The following CTTN variants were observed in gnomAD, a reference collection of about 807,000 sequenced individuals.
CTTN encodes src substrate cortactin.
CTTN carries 28 observed loss-of-function variants against 84.0 expected under a neutral mutation model. That is an observed-to-expected ratio of 0.33 (90% CI 0.25 to 0.46). The LOEUF (loss-of-function observed/expected upper bound fraction) is 0.46, where lower values mean the gene tolerates loss of function less well. CTTN is among the 20% of genes least tolerant of loss of function. The probability of loss-of-function intolerance (pLI) is 1.00; values close to 1 mark genes in which losing one functional copy is unlikely to be tolerated. For synonymous variants in CTTN, 301 were observed against 288.8 expected (o/e 1.04, Z -0.43); for missense variants, 641 against 723.8 (o/e 0.89, Z 1.31).
intron 11 of CTTN, chr11:70,422,696 CTGCCCCTCA>C (rs2058251893): frequency 6.9e-7 from 1 of 1,441,648 alleles, no homozygotes; most frequent in Non-Finnish European, 9.2e-7. Flanking sequence ...CCTGCCCCTC[CTGCCCCTCA>C]GGGAATGCTG....
In CTTN at chr11:70,407,354, C is replaced by T. The variant is rs375534755; in HGVS notation, c.57C>T (p.Ala19=). 7.0e-6 allele frequency: 11 copies of T among 1,573,848 alleles called. No homozygotes were observed. The highest frequency in any genetic ancestry group is 1.4e-5 in the African/African-American group (1 of 73,700). ...CCATCGCCCAGGATGACGCGGGGGC[C>T]GATGACTGGGAGACCGACCCTGATT... is the stretch of plus-strand genomic sequence containing the variant. The part of the protein sequence containing the change: ...AVSIAQDDAG[A]DDWETDPDFV... Residue 19 remains alanine (A), a synonymous_variant, in exon 3 of 18, where the codon GCC becomes GCT. Transcript: ENST00000301843.
rs560910644 is a variant in CTTN, at chr11:70,412,127, G to A, written c.291+2167G>A. ...CAGGTCAGCACCATGGGACAGATAC[G>A]TTGTCAAAAATAACTCAGGGCCAGG... On this transcript the variant is annotated intron_variant, in intron 5 of 17. Transcript: ENST00000301843. 1.1e-4 allele frequency among the ~76,000 whole-genome samples: 16 copies of A among 152,282 alleles called. No homozygotes were observed. In the East Asian group the frequency reaches 1.5e-3, roughly 15 times the overall value.
At chr11:70,405,824 G>A (rs1352468381) in intron 2 of CTTN, among the ~76,000 whole-genome samples, 1 of 152,158 alleles carries the variant, frequency 6.6e-6, no homozygotes, top group Non-Finnish European at 1.5e-5. Context: ...AGGTGGCCTC[G>A]CCAGCCCTGC....
chr11:70,429,908 C>T (rs1343182741), intron 14 of CTTN, among the ~76,000 whole-genome samples: 1 of 152,090 alleles, frequency 6.6e-6, no homozygotes, highest in Non-Finnish European at 1.5e-5. Flanking sequence ...GGGGCATCTG[C>T]AGTGTGGGGC....
Position 70,431,264 on chromosome 11 carries a change from C to T in CTTN, c.1250C>T (p.Ser417Leu), listed in dbSNP as rs2058351356. 9 of 1,614,156 alleles carry T rather than the reference C, an allele frequency of 5.6e-6. No homozygotes were observed. The highest frequency in any genetic ancestry group is 4.5e-5 in the East Asian group (2 of 44,870). Residue 417 changes from serine to leucine, a missense_variant, in exon 15 of 18, where the codon TCG (serine) becomes TTG (leucine). Ser to Leu is a moderately radical substitution (Grantham distance 145, BLOSUM62 -2). Transcript: ENST00000301843. ...CAGCCAACCGAGGAGAGGCTGCCCT[C>T]GAGCCCCGTCTATGAGGTTGGTGTC... Reference protein sequence around the residue: ...APQPTEERLPSSPVYEDAASF... With the variant: ...APQPTEERLPLSPVYEDAASF...
At chr11:70,424,547 C>G (rs1465807698) in intron 12 of CTTN, among the ~76,000 whole-genome samples, 1 of 152,026 alleles carries the variant, frequency 6.6e-6, no homozygotes, top group Non-Finnish European at 1.5e-5. Flanking sequence ...AAGTTGCCCC[C>G]TCAGGGCAAG....
intron 8 of CTTN, among the ~76,000 whole-genome samples, chr11:70,417,728 T>G (rs2058180996): frequency 6.6e-6 from 1 of 152,052 alleles, no homozygotes; most frequent in Non-Finnish European, 1.5e-5. Flanking sequence ...ATTCCTGACC[T>G]CAGGTGATCG....
At chr11:70,417,160 C>A in intron 8 of CTTN, 37 bp downstream of exon 8, 1 of 1,504,068 alleles carries the variant, frequency 6.6e-7, no homozygotes, top group Non-Finnish European at 9.3e-7. Flanking sequence ...CACGCGTTTG[C>A]TCCAGAAACA....
chr11:70,434,050 A>G (rs1332408650), intron 17 of CTTN, among the ~76,000 whole-genome samples: 1 of 152,160 alleles, frequency 6.6e-6, no homozygotes, highest in Non-Finnish European at 1.5e-5. Flanking sequence ...CCCACCCTCC[A>G]GGTGAGGGGG....
chr11:70,417,710 G>A (rs2058180797), intron 8 of CTTN, among the ~76,000 whole-genome samples: 1 of 152,112 alleles, frequency 6.6e-6, no homozygotes, highest in East Asian at 1.9e-4. Context: ...TGCCCAGGCT[G>A]GTCTTGAATT....
chr11:70,412,843 A>C (rs2058109813), intron 5 of CTTN, among the ~76,000 whole-genome samples: 1 of 152,218 alleles, frequency 6.6e-6, no homozygotes, highest in Non-Finnish European at 1.5e-5. Context: ...AATTTTGGAG[A>C]TGAATCCCTT....
intron 17 of CTTN, among the ~76,000 whole-genome samples, chr11:70,434,142 C>T (rs2058387972): frequency 2.0e-5 from 3 of 152,336 alleles, no homozygotes; most frequent in South Asian, 4.1e-4. Flanking sequence ...CTGCACGTTC[C>T]CCTGAGTTCC....
rs748549354 is a variant in CTTN at position 70,417,100 on chromosome 11, C to T, written c.545C>T (p.Thr182Met). The T allele has an allele frequency of 1.1e-5, 17 of 1,614,000 alleles. No individual in the cohort carries two copies. Among genetic ancestry groups the T allele is most frequent in the Admixed American group, 3.3e-5 (2 of 60,000 alleles). The change falls in exon 8 of 18, where the codon ACG (threonine) becomes ATG (methionine). Residue 182 changes from threonine (T) to methionine (M), a missense_variant. By Grantham distance (81) the Thr-to-Met change is moderately conservative. Around this residue, in one of 3 missense-constraint regions of CTTN, gnomAD observed 284 missense variants for 348.4 expected, o/e 0.82. Transcript: ENST00000301843. ...SAVGFDYQGK[T>M]EKHESQRDYS... ...GTGGGCTTCGACTACCAGGGCAAGA[C>T]GGAGAAGCACGAGTCACAGAGAGGT... is the stretch of plus-strand genomic sequence containing the variant.
At chr11:70,413,543 C>T (rs927076518) in intron 5 of CTTN, among the ~76,000 whole-genome samples, 35 of 152,176 alleles carry the variant, frequency 2.3e-4, no homozygotes, top group African/African-American at 8.4e-4. Context: ...ATGGCTGTGG[C>T]TGTGTCCCAG....
chr11:70,422,784 ACTTGC>A, intron 11 of CTTN, 151 bp from the exon 12 acceptor site: 1 of 1,485,718 alleles, frequency 6.7e-7, no homozygotes, highest in Middle Eastern at 2.2e-4. Flanking sequence ...TGGAAGCAAA[ACTTGC>A]CTTGCAAGTG....
At chr11:70,412,857 A>G (rs560779941) in intron 5 of CTTN, among the ~76,000 whole-genome samples, 14 of 152,236 alleles carry the variant, frequency 9.2e-5, no homozygotes, top group Non-Finnish European at 1.8e-4. Flanking sequence ...ATCCCTTTCA[A>G]TCAAAAAGCT....
Position 70,436,097 on chromosome 11 carries a change from G to T in CTTN, c.*935G>T. The T allele has an allele frequency of 2.8e-6, 4 of 1,425,212 alleles. No homozygotes were observed. Among genetic ancestry groups the T allele is most frequent in the Non-Finnish European group, 3.7e-6 (4 of 1,095,208 alleles). The allele number at this position is 1,425,212 out of a possible 1,614,324, so 88.3% of individuals were successfully genotyped here. A position where few individuals can be genotyped will look rare whatever the true frequency, so the allele number is the denominator to read the frequency against. Reference sequence around the variant, plus strand: ...GGCAGTGCCTGCTCTGCTGTGAGCCGCCAGGAACCCTCCTCCTGTCAATGG... The same window carrying T: ...GGCAGTGCCTGCTCTGCTGTGAGCCTCCAGGAACCCTCCTCCTGTCAATGG... On this transcript the variant is annotated 3_prime_UTR_variant, in exon 18 of 18. Transcript: ENST00000301843.
chr11:70,406,499 C>G (rs1269148937), intron 2 of CTTN, among the ~76,000 whole-genome samples: 1 of 149,156 alleles, frequency 6.7e-6, no homozygotes, highest in Non-Finnish European at 1.5e-5. Flanking sequence ...GAAAAGGAAT[C>G]ACTTCTTTTT....
intron 13 of CTTN, among the ~76,000 whole-genome samples, chr11:70,428,495 A>G (rs1458496110): frequency 1.3e-5 from 2 of 150,748 alleles, no homozygotes; most frequent in East Asian, 2.0e-4. Context: ...AATTTTTATC[A>G]TTTTTTCTTA....
Sources: gnomAD v4.1 joint callset for allele counts (sites outside exome capture counted in the v4.1 genomes callset) on GRCh38, gnomAD v4.1.1 for gene constraint, gnomAD v4.1.1 regional missense constraint, MANE v1.5 for transcripts, NCBI Gene and HGNC (gene_info 2026-07-23, HGNC 2026-07-21) for gene names.